CCDC7: variants seen among roughly 807,000 people sequenced by gnomAD.
CCDC7 encodes the protein coiled-coil domain-containing protein 7.
In CCDC7, 183 loss-of-function variants were observed where a neutral mutation model predicts 196.9. That is an observed-to-expected ratio of 0.93 (90% CI 0.82 to 1.05). The LOEUF is 1.05. CCDC7 is among the 50% of genes least tolerant of loss of function. CCDC7 has a pLI of 0.00. For missense variants in CCDC7, 1,540 were observed against 1,482.2 expected, an observed-to-expected ratio of 1.04 and a Z score of -0.64; for synonymous variants, 525 against 484.6, an observed-to-expected ratio of 1.08 and a Z score of -1.10.
At chr10:32,696,335 G>T (rs1042925154) in intron 24 of CCDC7, among the ~76,000 whole-genome samples, 1 of 152,066 alleles carries the variant, frequency 6.6e-6, no homozygotes, top group Admixed American at 6.6e-5. Flanking sequence ...CAGGGATTTT[G>T]GGGATCACAG....
intron 9 of CCDC7, among the ~76,000 whole-genome samples, chr10:32,504,360 G>A (rs907541427): frequency 6.6e-6 from 1 of 152,022 alleles, no homozygotes; most frequent in African/African-American, 2.4e-5. Flanking sequence ...TGATCTGCCT[G>A]CCTCGGCCTC....
At chr10:32,666,869 A>G (rs976118724) in intron 21 of CCDC7, among the ~76,000 whole-genome samples, 4 of 152,158 alleles carry the variant, frequency 2.6e-5, no homozygotes, top group African/African-American at 7.2e-5. Context: ...AGCATGATTT[A>G]TAATCCTTTG....
chr10:32,657,568 G>A (rs985636845), intron 20 of CCDC7, among the ~76,000 whole-genome samples: 1 of 152,214 alleles, frequency 6.6e-6, no homozygotes, highest in Admixed American at 6.5e-5. Context: ...GGGATGTAGG[G>A]CACCATGTCC....
intron 28 of CCDC7, among the ~76,000 whole-genome samples, chr10:32,732,871 C>T (rs2084226896): frequency 6.6e-6 from 1 of 152,062 alleles, no homozygotes; most frequent in African/African-American, 2.4e-5. Context: ...CACAATTTTT[C>T]ACCATTGTAC....
rs2038013214 is a variant in CCDC7, at chr10:32,471,808, T to C, written c.677+578T>C. ...TATGCAGTTACTTTAGTGATATCTC[T>C]GTCAATAACTGAAAATAATGAAGAG... On this transcript the variant is annotated intron_variant, in intron 6 of 41. Transcript: ENST00000639629. Among the ~76,000 whole-genome samples the C allele has an allele frequency of 2.0e-5, 3 of 152,156 alleles. No homozygotes were observed. The South Asian group carries it at 6.2e-4, about 31-fold the overall frequency.
At chr10:32,765,856 T>C (rs1357694962) in intron 28 of CCDC7, among the ~76,000 whole-genome samples, 2 of 152,066 alleles carry the variant, frequency 1.3e-5, no homozygotes, top group Non-Finnish European at 2.9e-5. Flanking sequence ...CATGCAAATA[T>C]TGATCTGGAA....
At chr10:32,500,203 C>T (rs530851331) in intron 9 of CCDC7, among the ~76,000 whole-genome samples, 14 of 150,262 alleles carry the variant, frequency 9.3e-5, no homozygotes, top group African/African-American at 2.7e-4. Flanking sequence ...CCCCACCTCC[C>T]GGATGGGGCG....
At chr10:32,561,460 A>G (rs2055610601) in intron 13 of CCDC7, among the ~76,000 whole-genome samples, 1 of 152,252 alleles carries the variant, frequency 6.6e-6, no homozygotes, top group Non-Finnish European at 1.5e-5. Flanking sequence ...CTCTCAGACC[A>G]CAGTGCAATC....
chr10:32,665,157 T>G (rs766835646), intron 21 of CCDC7, among the ~76,000 whole-genome samples: 1 of 152,046 alleles, frequency 6.6e-6, no homozygotes, highest in Non-Finnish European at 1.5e-5. Context: ...TTTATTTGCG[T>G]TGATTGTTTT....
intron 21 of CCDC7, among the ~76,000 whole-genome samples, chr10:32,678,422 A>G (rs1277246867): frequency 1.3e-5 from 2 of 152,138 alleles, no homozygotes; most frequent in African/African-American, 2.4e-5. Context: ...GTGTGGGTCC[A>G]TTAGCAGGGT....
At chr10:32,693,724 G>T (rs758268459) in intron 23 of CCDC7, among the ~76,000 whole-genome samples, 4 of 152,146 alleles carry the variant, frequency 2.6e-5, no homozygotes, top group Non-Finnish European at 5.9e-5. Context: ...GTGTCTGCAT[G>T]AATTTTCTCC....
At chr10:32,571,817 G>C in intron 15 of CCDC7, 42 bp from the exon 17 acceptor site, 1 of 1,496,600 alleles carries the variant, frequency 6.7e-7, no homozygotes, top group Non-Finnish European at 8.9e-7. Context: ...CATTTCATAT[G>C]CATACTTGAT....
chr10:32,443,539 A>G (rs1022333221), upstream of CCDC7, among the ~76,000 whole-genome samples: 4 of 152,192 alleles, frequency 2.6e-5, no homozygotes, highest in Non-Finnish European at 4.4e-5. Context: ...TCTCTCAATG[A>G]TATCAGCTTT....
intron 11 of CCDC7, among the ~76,000 whole-genome samples, chr10:32,539,790 A>T (rs188984280): frequency 6.6e-6 from 1 of 152,034 alleles, no homozygotes; most frequent in Non-Finnish European, 1.5e-5. Context: ...ATTCAGGAGG[A>T]GGTTGTTTAA....
intron 18 of CCDC7, among the ~76,000 whole-genome samples, chr10:32,604,019 T>C (rs1285442318): frequency 6.6e-6 from 1 of 152,204 alleles, no homozygotes; most frequent in African/African-American, 2.4e-5. Flanking sequence ...ATAAAATTTT[T>C]GGCTAGACCA....
chr10:32,728,972 A>G, exon 27 of CCDC7: 1 of 1,588,272 alleles, frequency 6.3e-7, no homozygotes. Context: ...AGAAACAAAT[A>G]AATTCTGGAG....
intron 13 of CCDC7, among the ~76,000 whole-genome samples, chr10:32,560,014 A>G (rs2055161498): frequency 6.6e-6 from 1 of 152,232 alleles, no homozygotes; most frequent in Non-Finnish European, 1.5e-5. Flanking sequence ...CTCGAGAACT[A>G]CGTGAAGAAT....
intron 29 of CCDC7, among the ~76,000 whole-genome samples, chr10:32,804,467 CT>C (rs1427157219): frequency 2.6e-5 from 4 of 152,100 alleles, no homozygotes; most frequent in Non-Finnish European, 5.9e-5. Flanking sequence ...ATCGCTGGTG[CT>C]TACTTGGTTT....
At chr10:32,866,359 G>C (rs1000477863) in intron 41 of CCDC7, among the ~76,000 whole-genome samples, 1 of 151,566 alleles carries the variant, frequency 6.6e-6, no homozygotes, top group African/African-American at 2.4e-5. Context: ...ATAAAGAACT[G>C]TTATTCAATA....
Sources: allele counts gnomAD v4.1 joint callset (sites outside exome capture counted in the v4.1 genomes callset), GRCh38; gene constraint gnomAD v4.1.1; transcripts MANE v1.5; gene names NCBI Gene and HGNC (gene_info 2026-07-23, HGNC 2026-07-21).